Variants in DNAH6 observed in about 807,000 individuals in gnomAD.
DNAH6 encodes axonemal beta dynein heavy chain 6.
A neutral mutation model predicts 491.4 loss-of-function variants in DNAH6; 340 were observed. That is an observed-to-expected ratio of 0.69 (90% CI 0.63 to 0.76). DNAH6 has a LOEUF of 0.76. Among genes scored for constraint, DNAH6 ranks in the 30% least tolerant of loss-of-function variants. The pLI, the probability that DNAH6 is intolerant of heterozygous loss-of-function variation, is 0.00. For missense variants in DNAH6, 4,443 were observed against 4,972.2 expected, an observed-to-expected ratio of 0.89 and a Z score of 3.20; for synonymous variants, 1,603 against 1,686.1, an observed-to-expected ratio of 0.95 and a Z score of 1.21.
At chr2:84,804,205 C>CAA (rs5832625) in intron 70 of DNAH6, among the ~76,000 whole-genome samples, 7 of 66,460 alleles carry the variant, frequency 1.1e-4, no homozygotes, top group African/African-American at 6.2e-5. Context: ...GACTCCATCT[C>CAA]AAAAAAAAAA....
At chr2:84,799,085 T>C (rs1316221574) in intron 70 of DNAH6, among the ~76,000 whole-genome samples, 1 of 152,030 alleles carries the variant, frequency 6.6e-6, no homozygotes, top group Admixed American at 6.5e-5. Context: ...CCTCCCAGGT[T>C]TGAGCAGTTC....
chr2:84,653,921 A>T, intron 34 of DNAH6, 47 bp downstream of exon 34: 1 of 1,450,724 alleles, frequency 6.9e-7, no homozygotes, highest in Non-Finnish European at 9.2e-7. Context: ...TTAAATTGGC[A>T]TACTATCGTT....
chr2:84,504,718 T>C, the DNAH6 span, among the ~76,000 whole-genome samples: 3 of 152,352 alleles, frequency 2.0e-5, no homozygotes, highest in Non-Finnish European at 2.9e-5. Flanking sequence ...TATTCATCTA[T>C]ATGTCTATTC....
chr2:84,704,159 C>G lies in DNAH6; in HGVS notation c.8322C>G (p.Asp2774Glu). ...CTGATGATGCTCAAAGAGATCTTGA[C>G]GAGGCACTACCTGCACTAGATGCTG... ...AIADDAQRDL[D>E]EALPALDAAN... Residue 2774 changes from aspartate to glutamate, a missense_variant, in exon 51 of 77, where the codon GAC (aspartate) becomes GAG (glutamate). Coordinates refer to ENST00000389394, the MANE Select transcript of DNAH6 (RefSeq NM_001370.2). 3 of 1,551,868 alleles carry G rather than the reference C, an allele frequency of 1.9e-6. No homozygotes were observed. Among genetic ancestry groups the G allele is most frequent in the African/African-American group, 1.4e-5 (1 of 73,162 alleles).
At chr2:84,500,113 A>G in the DNAH6 span, among the ~76,000 whole-genome samples, 3 of 152,134 alleles carry the variant, frequency 2.0e-5, no homozygotes, top group Non-Finnish European at 4.4e-5. Flanking sequence ...TCCGAGACCA[A>G]TGTCCTGGAG....
intron 15 of DNAH6, among the ~76,000 whole-genome samples, chr2:84,586,875 A>G (rs1683608312): frequency 6.6e-6 from 1 of 152,196 alleles, no homozygotes; most frequent in Admixed American, 6.5e-5. Flanking sequence ...AAGTATGAAT[A>G]TCTATGTATA....
intron 29 of DNAH6, among the ~76,000 whole-genome samples, chr2:84,629,729 G>T (rs10169909): frequency 0.071 from 10,867 of 152,194 alleles, 1,284 homozygotes; most frequent in African/African-American, 0.25. Context: ...CCAGACTGTG[G>T]TCTTAAGTAC....
intron 35 of DNAH6, among the ~76,000 whole-genome samples, chr2:84,656,930 A>G (rs970956147): frequency 1.3e-5 from 2 of 152,012 alleles, no homozygotes; most frequent in Non-Finnish European, 2.9e-5. Context: ...AAAGTCATGT[A>G]GATTTTCTCC....
At chr2:84,545,471 C>T (rs1678685062) in intron 5 of DNAH6, among the ~76,000 whole-genome samples, 1 of 152,128 alleles carries the variant, frequency 6.6e-6, no homozygotes. Flanking sequence ...ATATATCATA[C>T]ATTTGTTGCT....
intron 11 of DNAH6, among the ~76,000 whole-genome samples, chr2:84,569,485 TCAA>T (rs951727176): frequency 2.0e-5 from 3 of 151,746 alleles, no homozygotes; most frequent in African/African-American, 7.3e-5. Context: ...TCTTAAAAAA[TCAA>T]CAAAATGGAG....
intron 12 of DNAH6, 51 bp downstream of exon 12, chr2:84,573,638 T>G (rs1682123070): frequency 1.4e-6 from 2 of 1,463,238 alleles, no homozygotes; most frequent in East Asian, 5.2e-5. Flanking sequence ...ATACTGAGAT[T>G]TGTTGTTTTT....
At chr2:84,531,708 C>A (rs1677187993) in intron 4 of DNAH6, among the ~76,000 whole-genome samples, 1 of 151,228 alleles carries the variant, frequency 6.6e-6, no homozygotes, top group Admixed American at 6.6e-5. Context: ...TTTGGGATGT[C>A]AAAAGGAGAA....
At chr2:84,755,905 C>T (rs1354954986) in intron 63 of DNAH6, among the ~76,000 whole-genome samples, 1 of 152,164 alleles carries the variant, frequency 6.6e-6, no homozygotes, top group East Asian at 1.9e-4. Context: ...CCGTGCTGTT[C>T]TCGTGACAGT....
intron 14 of DNAH6, among the ~76,000 whole-genome samples, chr2:84,581,971 T>C (rs1683076829): frequency 6.6e-6 from 1 of 152,148 alleles, no homozygotes; most frequent in Non-Finnish European, 1.5e-5. Flanking sequence ...AAAGAGACAC[T>C]ATTAATCATT....
Position 84,672,198 on chromosome 2 carries a change from G to T in DNAH6, c.6455-129G>T, listed in dbSNP as rs552336389. ...CAGAAGGAAGTCTCTCCTCCTCCAG[G>T]CAGGACTCAGAACTGAGCTCTTTAT... is the stretch of plus-strand genomic sequence containing the variant. On this transcript the variant is annotated intron_variant, in intron 39 of 76. Transcript: ENST00000389394. 15 of 885,788 alleles carry T rather than the reference G, an allele frequency of 1.7e-5. No homozygotes were observed. In the African/African-American group the frequency reaches 2.0e-4, roughly 12 times the overall value. 54.9% of individuals were successfully genotyped at this position (885,788 alleles called of 1,614,324 possible).
intron 63 of DNAH6, among the ~76,000 whole-genome samples, chr2:84,750,330 G>C (rs1387694231): frequency 1.3e-5 from 2 of 151,370 alleles, no homozygotes; most frequent in African/African-American, 4.9e-5. Context: ...CCACAGACAT[G>C]TACCACCACG....
intron 64 of DNAH6, chr2:84,778,230 C>T (rs1676338897): frequency 1.6e-6 from 1 of 641,344 alleles, no homozygotes; most frequent in Non-Finnish European, 2.9e-6. Context: ...CCATATTGGA[C>T]TTGGAACCAA....
intron 22 of DNAH6, among the ~76,000 whole-genome samples, chr2:84,613,264 G>C (rs951319813): frequency 6.6e-6 from 1 of 152,052 alleles, no homozygotes; most frequent in African/African-American, 2.4e-5. Context: ...ATTGTTAAAG[G>C]AGGAGGGAAG....
the DNAH6 span, among the ~76,000 whole-genome samples, chr2:84,477,319 G>A: frequency 6.6e-6 from 1 of 152,116 alleles, no homozygotes; most frequent in Non-Finnish European, 1.5e-5. Context: ...TAGGAGCCTA[G>A]GAGGGCTAGA....
Sources: gnomAD v4.1 joint callset for allele counts (sites outside exome capture counted in the v4.1 genomes callset) on GRCh38, gnomAD v4.1.1 for gene constraint, MANE v1.5 for transcripts, NCBI Gene and HGNC (gene_info 2026-07-23, HGNC 2026-07-21) for gene names.